The following TNNI3K variants were observed in gnomAD, a reference collection of about 807,000 sequenced individuals.
TNNI3K encodes serine/threonine-protein kinase TNNI3K.
TNNI3K carries 140 observed loss-of-function variants against 114.5 expected under a neutral mutation model. The ratio of observed to expected loss-of-function variants is 1.22; its 90% CI spans 1.07 to 1.41. TNNI3K has a LOEUF of 1.41. TNNI3K is among the 40% of genes most tolerant of loss of function. The pLI is 0.00. For missense variants in TNNI3K, 1,125 were observed against 1,007.6 expected, an observed-to-expected ratio of 1.12 and a Z score of -1.58; for synonymous variants, 347 against 347.5, an observed-to-expected ratio of 1.00 and a Z score of 0.02.
chr1:74,371,436 C>T (rs1390051643), intron 17 of TNNI3K: 1 of 151,652 alleles, frequency 6.6e-6, no homozygotes, highest in African/African-American at 2.4e-5. Context: ...AGATTTAGTA[C>T]AAAAATTTCA....
At chr1:74,532,390 A>G (rs1311657594) in intron 23 of TNNI3K, among the ~76,000 whole-genome samples, 1 of 152,196 alleles carries the variant, frequency 6.6e-6, no homozygotes, top group East Asian at 1.9e-4. Flanking sequence ...ACTTATTATC[A>G]GCTCTGTAAT....
At chr1:74,495,528 C>T (rs1163198488) in intron 23 of TNNI3K, among the ~76,000 whole-genome samples, 2 of 152,268 alleles carry the variant, frequency 1.3e-5, no homozygotes, top group Admixed American at 1.3e-4. Context: ...ACTATTTTCT[C>T]TTTTCTTTCC....
chr1:74,368,930 A>C, intron 13 of TNNI3K, 92 bp from the exon 14 acceptor site: 1 of 1,034,330 alleles, frequency 9.7e-7, no homozygotes, highest in Non-Finnish European at 1.3e-6. Flanking sequence ...TTAGGAAATT[A>C]TGTTTTTAGT....
chr1:74,489,173 T>G lies in TNNI3K; in HGVS notation c.2122-16T>G. 1 of 1,581,118 alleles carries G rather than the reference T, an allele frequency of 6.3e-7. No individual in the cohort carries two copies. The highest frequency in any genetic ancestry group is 8.5e-7 in the Non-Finnish European group (1 of 1,174,542). ...TTTTATTCTTAAGGGAAAAAAGTTC[T>G]TTTTTCTATTTACAGGGAAGACCCG... On this transcript the variant is annotated splice_polypyrimidine_tract_variant and intron_variant, in intron 21 of 24. Transcript: ENST00000326637.
At chr1:74,501,952 A>G (rs1669656297) in intron 23 of TNNI3K, among the ~76,000 whole-genome samples, 1 of 152,048 alleles carries the variant, frequency 6.6e-6, no homozygotes, top group African/African-American at 2.4e-5. Context: ...TCCTCTGCAT[A>G]TCTTTATGTA....
rs45524641 is a variant in TNNI3K at position 74,323,447 on chromosome 1, A to ATTT, written c.445-7994_445-7992dup. 1.6e-3 allele frequency among the ~76,000 whole-genome samples: 234 copies of ATTT among 148,724 alleles called. 2 individuals are homozygous for ATTT. Among genetic ancestry groups the ATTT allele is most frequent in the African/African-American group, 5.4e-3 (219 of 40,858 alleles). ...AGATATTCTTGGCCCACTAGCACAC[A>ATTT]TTTTTTTTTTTGCCTTCTAATGCTT... On this transcript the variant is annotated intron_variant, in intron 5 of 24. Transcript: ENST00000326637.
At chr1:74,392,170 C>T (rs989541728) in intron 17 of TNNI3K, among the ~76,000 whole-genome samples, 1 of 151,794 alleles carries the variant, frequency 6.6e-6, no homozygotes, top group Non-Finnish European at 1.5e-5. Context: ...ATAAGTCTGT[C>T]ATAAGTGGTA....
At chr1:74,492,841 C>T (rs1195477048) in intron 23 of TNNI3K, among the ~76,000 whole-genome samples, 1 of 152,152 alleles carries the variant, frequency 6.6e-6, no homozygotes, top group African/African-American at 2.4e-5. Flanking sequence ...GTACATAAAA[C>T]AGCAGAAATG....
At chr1:74,297,522 C>CGTGTGTGTGTGTGTGTGTGT (rs10633137) in intron 5 of TNNI3K, among the ~76,000 whole-genome samples, 50 of 145,456 alleles carry the variant, frequency 3.4e-4, no homozygotes, top group African/African-American at 1.1e-3. Context: ...TGTGTGTGTG[C>CGTGTGTGTGTGTGTGTGTGT]GTGTGTGTGT....
chr1:74,414,950 A>G (rs1416961592), intron 17 of TNNI3K, among the ~76,000 whole-genome samples: 1 of 152,176 alleles, frequency 6.6e-6, no homozygotes, highest in Non-Finnish European at 1.5e-5. Context: ...TTACTCCTAC[A>G]CTCAAAACCT....
chr1:74,259,400 C>A (rs1360786104), intron 4 of TNNI3K, among the ~76,000 whole-genome samples: 1 of 152,124 alleles, frequency 6.6e-6, no homozygotes, highest in African/African-American at 2.4e-5. Context: ...ATTCACCTTC[C>A]CTCTACCTTT....
At chr1:74,263,535 G>A (rs1402347146) in intron 4 of TNNI3K, among the ~76,000 whole-genome samples, 1 of 151,952 alleles carries the variant, frequency 6.6e-6, no homozygotes, top group Non-Finnish European at 1.5e-5. Flanking sequence ...GTTGACAGTG[G>A]GCAAAATGGT....
chr1:74,357,003 CT>C (rs540257550), intron 11 of TNNI3K, among the ~76,000 whole-genome samples: 71 of 152,254 alleles, frequency 4.7e-4, no homozygotes, highest in African/African-American at 1.5e-3. Context: ...CTATTTTTCT[CT>C]TCCTAAAAAA....
At chr1:74,243,316 A>G (rs1480640210) in intron 2 of TNNI3K, among the ~76,000 whole-genome samples, 1 of 152,188 alleles carries the variant, frequency 6.6e-6, no homozygotes, top group African/African-American at 2.4e-5. Flanking sequence ...TCTTATTGAT[A>G]TAGTCTGCTT....
Position 74,320,253 on chromosome 1 carries a change from G to A in TNNI3K, c.445-11197G>A, listed in dbSNP as rs1659535777. On this transcript the variant is annotated intron_variant, in intron 5 of 24. Transcript: ENST00000326637. The stretch of plus-strand genomic sequence containing the variant: ...AATAATAGGTTTCTGACTAGATGAT[G>A]TGTGTTCTTCATTTTGATAAACTCT... Among the ~76,000 whole-genome samples, 3 of 152,166 alleles carry A rather than the reference G, an allele frequency of 2.0e-5. No individual in the cohort carries two copies. In the South Asian group the frequency reaches 6.2e-4, roughly 32 times the overall value.
At chr1:74,346,052 A>G (rs1660982941) in intron 9 of TNNI3K, 1 of 152,226 alleles carries the variant, frequency 6.6e-6, no homozygotes, top group Non-Finnish European at 1.5e-5. Context: ...ACAATTTGTA[A>G]TGTGATTCTA....
At chr1:74,247,670 A>G (rs1051825227) in intron 2 of TNNI3K, among the ~76,000 whole-genome samples, 1 of 152,102 alleles carries the variant, frequency 6.6e-6, no homozygotes, top group Non-Finnish European at 1.5e-5. Context: ...CTAGCTAGAC[A>G]TAAAAGTTCT....
chr1:74,285,110 C>G (rs1657246692), intron 5 of TNNI3K, among the ~76,000 whole-genome samples: 1 of 152,182 alleles, frequency 6.6e-6, no homozygotes, highest in Non-Finnish European at 1.5e-5. Flanking sequence ...TCATTCTGCT[C>G]CTGGACTTCC....
intron 21 of TNNI3K, 82 bp downstream of exon 21, chr1:74,463,632 A>G (rs1369017551): frequency 6.7e-7 from 1 of 1,502,570 alleles, no homozygotes. Context: ...GTCTACTTTC[A>G]GTGTGTATTT....
Sources: gnomAD v4.1 joint callset for allele counts (sites outside exome capture counted in the v4.1 genomes callset) on GRCh38, gnomAD v4.1.1 for gene constraint, MANE v1.5 for transcripts, NCBI Gene and HGNC (gene_info 2026-07-23, HGNC 2026-07-21) for gene names.